Variants in SGCG observed in about 807,000 individuals in gnomAD.
The protein encoded by SGCG is sarcoglycan gamma, also known as gamma-sarcoglycan.
In SGCG, 26 loss-of-function variants were observed where a neutral mutation model predicts 29.3. The ratio of observed to expected loss-of-function variants is 0.89; its 90% CI spans 0.65 to 1.23. SGCG has a LOEUF of 1.23. SGCG is among the 50% of genes most tolerant of loss of function. SGCG has a pLI of 0.00. For synonymous variants in SGCG, 145 were observed against 129.7 expected, an observed-to-expected ratio of 1.12 and a Z score of -0.80; for missense variants, 353 against 356.0, an observed-to-expected ratio of 0.99 and a Z score of 0.07.
chr13:23,292,119 C>CT (rs71100167), intron 5 of SGCG, among the ~76,000 whole-genome samples: 5 of 147,464 alleles, frequency 3.4e-5, no homozygotes, highest in Non-Finnish European at 6.0e-5. Flanking sequence ...ACATTTCTTT[C>CT]TTTTTTTTGA....
chr13:23,281,140 G>T (rs1881290065), intron 5 of SGCG, among the ~76,000 whole-genome samples: 1 of 151,938 alleles, frequency 6.6e-6, no homozygotes, highest in Non-Finnish European at 1.5e-5. Flanking sequence ...TTTAAGACCA[G>T]CCTGGACAAC....
At chr13:23,207,312 T>C (rs1186393351) in intron 2 of SGCG, among the ~76,000 whole-genome samples, 3 of 152,156 alleles carry the variant, frequency 2.0e-5, no homozygotes, top group African/African-American at 7.2e-5. Context: ...TACATAAAAA[T>C]GAATGCAAAA....
chr13:23,263,567 CT>C (rs1880527087), intron 4 of SGCG, among the ~76,000 whole-genome samples: 1 of 151,222 alleles, frequency 6.6e-6, no homozygotes, highest in African/African-American at 2.4e-5. Context: ...GAAAGAAATC[CT>C]CCCTAACTCA....
intron 6 of SGCG, among the ~76,000 whole-genome samples, chr13:23,316,382 C>G (rs368694174): frequency 6.6e-6 from 1 of 152,348 alleles, no homozygotes; most frequent in African/African-American, 2.4e-5. Flanking sequence ...TCAAGGCACT[C>G]CCTTTATGGC....
upstream of SGCG, among the ~76,000 whole-genome samples, chr13:23,180,669 G>A (rs1565988945): frequency 6.6e-6 from 1 of 152,142 alleles, no homozygotes; most frequent in Non-Finnish European, 1.5e-5. Context: ...TTGAGGTAAA[G>A]TTTTTTTAAG....
At chr13:23,171,852 C>T in the SGCG span, among the ~76,000 whole-genome samples, 1 of 152,220 alleles carries the variant, frequency 6.6e-6, no homozygotes, top group African/African-American at 2.4e-5. Context: ...TGCTGTGCAG[C>T]CCGGTTCCTA....
Position 23,273,329 on chromosome 13 carries a change from C to A in SGCG, c.386-6030C>A, listed in dbSNP as rs191423239. On this transcript the variant is annotated intron_variant, in intron 4 of 7. Transcript: ENST00000218867. ...CCTCCCAGATAGCTGGGATTACAGG[C>A]ATGTACCATCATGCCCAGCTAATTT... Among the ~76,000 whole-genome samples, 1,158 of 152,152 alleles carry A rather than the reference C, an allele frequency of 7.6e-3. 18 individuals are homozygous for A. The highest frequency in any genetic ancestry group is 0.026 in the African/African-American group (1,071 of 41,506).
intron 2 of SGCG, among the ~76,000 whole-genome samples, chr13:23,226,853 G>A (rs1048996255): frequency 1.3e-5 from 2 of 152,110 alleles, no homozygotes; most frequent in Non-Finnish European, 2.9e-5. Context: ...AAAGAAAACT[G>A]AGCTGTCAAC....
chr13:23,262,318 C>T (rs971092862), intron 4 of SGCG, among the ~76,000 whole-genome samples: 2 of 151,920 alleles, frequency 1.3e-5, no homozygotes, highest in Non-Finnish European at 2.9e-5. Context: ...AACAATATTT[C>T]ATGCAAATGG....
chr13:23,230,562 C>T (rs908223419), intron 2 of SGCG, among the ~76,000 whole-genome samples: 8 of 152,122 alleles, frequency 5.3e-5, no homozygotes, highest in African/African-American at 1.9e-4. Context: ...TGGCACTGCA[C>T]TTCTGATTTG....
At chr13:23,267,241 G>A (rs929947331) in intron 4 of SGCG, among the ~76,000 whole-genome samples, 4 of 152,204 alleles carry the variant, frequency 2.6e-5, no homozygotes, top group African/African-American at 7.2e-5. Flanking sequence ...CAGCTAATTT[G>A]TCCCAACTGC....
At chr13:23,197,323 G>A (rs1877554608) in intron 1 of SGCG, among the ~76,000 whole-genome samples, 1 of 152,190 alleles carries the variant, frequency 6.6e-6, no homozygotes, top group Admixed American at 6.5e-5. Flanking sequence ...TTGGAGGGAC[G>A]ATGCACCATG....
upstream of SGCG, among the ~76,000 whole-genome samples, chr13:23,179,279 G>T (rs1189972297): frequency 1.3e-5 from 2 of 152,140 alleles, no homozygotes; most frequent in Non-Finnish European, 2.9e-5. Flanking sequence ...AAAATCAAAG[G>T]CTTCTTTATG....
intron 2 of SGCG, among the ~76,000 whole-genome samples, chr13:23,222,148 G>A (rs992718567): frequency 6.6e-6 from 1 of 152,102 alleles, no homozygotes; most frequent in Non-Finnish European, 1.5e-5. Flanking sequence ...AAGGGCCGTC[G>A]ATTGTCTATC....
intron 1 of SGCG, among the ~76,000 whole-genome samples, chr13:23,197,496 G>A (rs973948941): frequency 6.6e-6 from 1 of 152,194 alleles, no homozygotes; most frequent in African/African-American, 2.4e-5. Context: ...CAGTCAGCAA[G>A]CCCTGTGAAC....
chr13:23,297,095 C>T (rs1881935026), intron 6 of SGCG, among the ~76,000 whole-genome samples: 1 of 152,144 alleles, frequency 6.6e-6, no homozygotes, highest in Non-Finnish European at 1.5e-5. Flanking sequence ...CCAAACTAAC[C>T]TTTCCAGACT....
intron 5 of SGCG, among the ~76,000 whole-genome samples, chr13:23,294,058 G>A (rs1378437600): frequency 6.6e-6 from 1 of 152,188 alleles, no homozygotes; most frequent in Non-Finnish European, 1.5e-5. Context: ...GCAAGTCGGG[G>A]ACCCTCTGTA....
At chr13:23,180,782 G>C (rs1314296137), upstream of SGCG, among the ~76,000 whole-genome samples, 2 of 152,118 alleles carry the variant, frequency 1.3e-5, no homozygotes, top group Non-Finnish European at 2.9e-5. Flanking sequence ...GTTTGTTTTG[G>C]TTTGTTTTTG....
In SGCG at chr13:23,238,375, A is replaced by AGT. The variant is rs141183526; in HGVS notation, c.297+3675_297+3676dup. 7.3e-3 allele frequency among the ~76,000 whole-genome samples: 1,118 copies of AGT among 152,134 alleles called. 6 individuals are homozygous for AGT. The highest frequency in any genetic ancestry group is 0.012 in the Non-Finnish European group (841 of 67,978). On this transcript the variant is annotated intron_variant, in intron 3 of 7. Coordinates refer to ENST00000218867, the MANE Select transcript of SGCG (RefSeq NM_000231.3). ...CCAAGTCTATGGATAAATATTTACC[A>AGT]GTGTGTGTGTGTGAGGAAGCTACCT...
Sources: gnomAD v4.1 joint callset for allele counts (sites outside exome capture counted in the v4.1 genomes callset) on GRCh38, gnomAD v4.1.1 for gene constraint, MANE v1.5 for transcripts, NCBI Gene and HGNC (gene_info 2026-07-23, HGNC 2026-07-21) for gene names.